Variants in MAP2K1 observed in about 807,000 individuals in gnomAD.
The protein encoded by MAP2K1 is mitogen-activated protein kinase kinase 1.
MAP2K1 carries 16 observed loss-of-function variants against 46.3 expected under a neutral mutation model. The ratio of observed to expected loss-of-function variants is 0.35; its 90% CI spans 0.23 to 0.52. The LOEUF (loss-of-function observed/expected upper bound fraction) is 0.52. MAP2K1 is among the 20% of genes least tolerant of loss of function. MAP2K1 has a pLI of 0.94. For synonymous variants in MAP2K1, 183 were observed against 185.6 expected, an observed-to-expected ratio of 0.99 and a Z score of 0.11; for missense variants, 263 against 497.1, an observed-to-expected ratio of 0.53 and a Z score of 4.48.
chr15:66,470,106 T>G (rs1347002076), intron 5 of MAP2K1, among the ~76,000 whole-genome samples: 2 of 142,188 alleles, frequency 1.4e-5, no homozygotes, highest in Admixed American at 7.2e-5. Flanking sequence ...TTTTTTTTTT[T>G]TTTTTTTTTT....
chr15:66,460,480 T>C (rs755819142), intron 5 of MAP2K1, among the ~76,000 whole-genome samples: 1 of 152,052 alleles, frequency 6.6e-6, no homozygotes, highest in Non-Finnish European at 1.5e-5. Context: ...AACACAGACA[T>C]GTTTTTACAG....
In MAP2K1 at chr15:66,387,272, G is replaced by A. The variant is rs2093343551; in HGVS notation, c.-76G>A. 8.4e-6 allele frequency: 11 copies of A among 1,302,354 alleles called. No homozygotes were observed. Among genetic ancestry groups the A allele is most frequent in the Non-Finnish European group, 1.2e-5 (11 of 923,732 alleles). 80.7% of individuals were successfully genotyped at this position (1,302,354 alleles called of 1,614,324 possible). On this transcript the variant is annotated 5_prime_UTR_variant, in exon 1 of 11. Coordinates refer to ENST00000307102, the MANE Select transcript of MAP2K1 (RefSeq NM_002755.4). Reference sequence around the variant, plus strand: ...CCGGACTTGGTCCTGCGCAGCGGGCGCGGGGCAGCGCAGCGGGAGGAAGCG... The same window carrying A: ...CCGGACTTGGTCCTGCGCAGCGGGCACGGGGCAGCGCAGCGGGAGGAAGCG...
At chr15:66,390,302 C>A (rs1190705708) in intron 1 of MAP2K1, among the ~76,000 whole-genome samples, 1 of 152,168 alleles carries the variant, frequency 6.6e-6, no homozygotes, top group Non-Finnish European at 1.5e-5. Context: ...TGAGAGTGTT[C>A]CTCAAGCAAA....
intron 1 of MAP2K1, among the ~76,000 whole-genome samples, chr15:66,389,412 C>A (rs2093351545): frequency 6.6e-6 from 1 of 152,164 alleles, no homozygotes; most frequent in Non-Finnish European, 1.5e-5. Flanking sequence ...TGTATTCTCT[C>A]AAGGAGGAGG....
chr15:66,405,147 A>G (rs962170441), intron 1 of MAP2K1, among the ~76,000 whole-genome samples: 1 of 152,208 alleles, frequency 6.6e-6, no homozygotes, highest in East Asian at 1.9e-4. Flanking sequence ...AATTAAGCTC[A>G]GGGAAGTTAT....
intron 1 of MAP2K1, among the ~76,000 whole-genome samples, chr15:66,392,940 A>C (rs1179574900): frequency 6.6e-6 from 1 of 152,178 alleles, no homozygotes; most frequent in East Asian, 1.9e-4. Context: ...TCTTGGTTGT[A>C]GAGCAGTCAT....
chr15:66,486,844 C>T (rs1043113785), intron 7 of MAP2K1, among the ~76,000 whole-genome samples: 1 of 152,094 alleles, frequency 6.6e-6, no homozygotes, highest in Non-Finnish European at 1.5e-5. Context: ...CTCTAGGAGA[C>T]AAAAGGAAGA....
chr15:66,398,222 G>C (rs2093372915), intron 1 of MAP2K1, among the ~76,000 whole-genome samples: 1 of 151,804 alleles, frequency 6.6e-6, no homozygotes, highest in African/African-American at 2.4e-5. Flanking sequence ...CTAGAGACCA[G>C]CCTGGGCAAC....
chr15:66,393,205 T>A (rs2093360722), intron 1 of MAP2K1, among the ~76,000 whole-genome samples: 1 of 150,948 alleles, frequency 6.6e-6, no homozygotes, highest in African/African-American at 2.4e-5. Context: ...TGAGACCGAG[T>A]CTCACTCTGT....
intron 1 of MAP2K1, among the ~76,000 whole-genome samples, chr15:66,405,194 A>T (rs563644359): frequency 3.3e-5 from 5 of 152,260 alleles, no homozygotes; most frequent in Non-Finnish European, 5.9e-5. Context: ...GGTAGAGCTA[A>T]GTTTAGACTC....
intron 5 of MAP2K1, among the ~76,000 whole-genome samples, chr15:66,476,377 G>C (rs1269838080): frequency 6.6e-6 from 1 of 152,234 alleles, no homozygotes; most frequent in African/African-American, 2.4e-5. Context: ...TCTGCTAGGA[G>C]AATGTGAGAG....
At chr15:66,423,248 T>G (rs904785961) in intron 1 of MAP2K1, among the ~76,000 whole-genome samples, 1 of 152,182 alleles carries the variant, frequency 6.6e-6, no homozygotes, top group African/African-American at 2.4e-5. Flanking sequence ...AGTTTTCACC[T>G]TTGCTGAAAT....
At position 66,387,039 on chromosome 15, in the gene MAP2K1, GT is replaced by G; in HGVS notation, c.-307del. The G allele has an allele frequency of 2.9e-6, 1 of 347,598 alleles. No individual in the cohort carries two copies. The highest frequency in any genetic ancestry group is 5.1e-6 in the Non-Finnish European group (1 of 194,348). 21.5% of individuals were successfully genotyped at this position (347,598 alleles called of 1,614,324 possible). A position where few individuals can be genotyped will look rare whatever the true frequency, so the allele number is the denominator to read the frequency against. On this transcript the variant is annotated 5_prime_UTR_variant, in exon 1 of 11. Transcript: ENST00000307102. Reference sequence around the variant, plus strand: ...CCGCCCGAGCCGGAGGGACTGGTTGGTTGAGAGAGAGAGAGGAAGGGAATCC... The same window carrying G: ...CCGCCCGAGCCGGAGGGACTGGTTGGTGAGAGAGAGAGAGGAAGGGAATCC...
intron 5 of MAP2K1, among the ~76,000 whole-genome samples, chr15:66,452,540 G>T (rs1892060736): frequency 6.6e-6 from 1 of 152,108 alleles, no homozygotes; most frequent in African/African-American, 2.4e-5. Flanking sequence ...AGGAGAGGAG[G>T]AGTGAACATT....
chr15:66,436,943 G>A (rs765115125), intron 3 of MAP2K1, 51 bp downstream of exon 3: 2 of 1,605,192 alleles, frequency 1.2e-6, no homozygotes, highest in South Asian at 2.2e-5. Context: ...GAGTTGGGTG[G>A]CTCTGGCCTA....
At chr15:66,476,229 T>C (rs1432982838) in intron 5 of MAP2K1, among the ~76,000 whole-genome samples, 2 of 152,198 alleles carry the variant, frequency 1.3e-5, no homozygotes, top group Non-Finnish European at 2.9e-5. Flanking sequence ...CTCCAGAATG[T>C]AGCCTGGCCA....
chr15:66,415,617 T>C (rs2093422802), intron 1 of MAP2K1, among the ~76,000 whole-genome samples: 1 of 152,212 alleles, frequency 6.6e-6, no homozygotes, highest in Admixed American at 6.5e-5. Context: ...TCTTGTCTTG[T>C]TTTCCTTGTT....
chr15:66,399,226 T>C (rs901954886), intron 1 of MAP2K1, among the ~76,000 whole-genome samples: 2 of 152,252 alleles, frequency 1.3e-5, no homozygotes, highest in Non-Finnish European at 2.9e-5. Context: ...TGTTCACAGT[T>C]GTTTTGTTTA....
intron 5 of MAP2K1, among the ~76,000 whole-genome samples, chr15:66,445,128 T>C (rs1475279502): frequency 7.7e-5 from 6 of 78,120 alleles, no homozygotes; most frequent in African/African-American, 2.2e-4. Context: ...TCCCAGCACT[T>C]TGGGAGGCCG....
Sources: gnomAD v4.1 joint callset for allele counts (sites outside exome capture counted in the v4.1 genomes callset) on GRCh38, gnomAD v4.1.1 for gene constraint, MANE v1.5 for transcripts, NCBI Gene and HGNC (gene_info 2026-07-23, HGNC 2026-07-21) for gene names.